BRINP3: variants seen among roughly 807,000 people sequenced by gnomAD.
The protein encoded by BRINP3 is BMP/retinoic acid-inducible neural-specific protein 3.
Under a neutral mutation model 71.0 loss-of-function variants are expected in BRINP3, and 19 were observed. That is an observed-to-expected ratio of 0.27 (90% CI 0.19 to 0.39). The LOEUF is 0.39. Ranked by LOEUF, BRINP3 falls within the 10% of genes least tolerant of loss-of-function variation. BRINP3 has a pLI of 1.00. For synonymous variants in BRINP3, 380 were observed against 337.7 expected (o/e 1.13, Z -1.37); for missense variants, 959 against 940.8 (o/e 1.02, Z -0.25).
intron 2 of BRINP3, among the ~76,000 whole-genome samples, chr1:190,308,590 T>C (rs1255373247): frequency 6.6e-6 from 1 of 151,838 alleles, no homozygotes; most frequent in Non-Finnish European, 1.5e-5. Flanking sequence ...CATGTATACA[T>C]ATGTAACAAA....
At chr1:190,152,614 A>G (rs1289903075) in intron 7 of BRINP3, among the ~76,000 whole-genome samples, 1 of 136,154 alleles carries the variant, frequency 7.3e-6, no homozygotes, top group Non-Finnish European at 1.5e-5. Flanking sequence ...AAGTGCCTCT[A>G]TTGGGTTGAG....
intron 1 of BRINP3, among the ~76,000 whole-genome samples, chr1:190,468,875 A>T (rs1406024392): frequency 6.6e-6 from 1 of 150,756 alleles, no homozygotes; most frequent in African/African-American, 2.4e-5. Flanking sequence ...TTTTTTTTTC[A>T]GGAGACCCTT....
intron 2 of BRINP3, among the ~76,000 whole-genome samples, chr1:190,385,749 A>G (rs1194262942): frequency 6.6e-6 from 1 of 152,094 alleles, no homozygotes; most frequent in East Asian, 1.9e-4. Flanking sequence ...CCAAAGAACT[A>G]TAAATCATGC....
chr1:190,160,929 AATT>A, intron 6 of BRINP3, 39 bp from the exon 7 acceptor site: 1 of 1,461,678 alleles, frequency 6.8e-7, no homozygotes, highest in East Asian at 2.3e-5. Flanking sequence ...ATTATGAAAC[AATT>A]ATTTTTTGTT....
chr1:190,168,580 C>A lies in BRINP3; in HGVS notation c.962-7690G>T, dbSNP rs575156133. On this transcript the variant is annotated intron_variant, in intron 6 of 7. Transcript: ENST00000367462. ...AATTGTAATGGAAGAACATTGACTT[C>A]ATAAGCTATTATGGAGTAAGATCAA... is the stretch of plus-strand genomic sequence containing the variant. 4.9e-4 allele frequency among the ~76,000 whole-genome samples: 74 copies of A among 152,266 alleles called. 1 individual carries two copies. Among genetic ancestry groups the A allele is most frequent in the African/African-American group, 1.7e-3 (72 of 41,568 alleles).
chr1:190,180,107 A>T (rs1652898899), intron 6 of BRINP3, among the ~76,000 whole-genome samples: 1 of 152,088 alleles, frequency 6.6e-6, no homozygotes, highest in East Asian at 1.9e-4. Context: ...CATGCCTTTG[A>T]CCTGGGGACA....
chr1:190,163,444 A>G (rs901694680), intron 6 of BRINP3, among the ~76,000 whole-genome samples: 2 of 152,028 alleles, frequency 1.3e-5, no homozygotes, highest in East Asian at 3.9e-4. Context: ...TCTCTGTGTT[A>G]AGTATGTATC....
intron 2 of BRINP3, among the ~76,000 whole-genome samples, chr1:190,388,112 A>T (rs1023992225): frequency 6.6e-6 from 1 of 151,870 alleles, no homozygotes; most frequent in African/African-American, 2.4e-5. Flanking sequence ...GTAGAGGCTG[A>T]GTAAACATAA....
chr1:190,461,931 T>G (rs865844067), intron 1 of BRINP3, among the ~76,000 whole-genome samples: 2 of 152,182 alleles, frequency 1.3e-5, no homozygotes, highest in African/African-American at 2.4e-5. Flanking sequence ...ATTTTGATTT[T>G]ATTTTATTTT....
intron 2 of BRINP3, among the ~76,000 whole-genome samples, chr1:190,385,978 A>G (rs1007257887): frequency 6.7e-6 from 1 of 148,368 alleles, no homozygotes; most frequent in Non-Finnish European, 1.5e-5. Flanking sequence ...AACTATCGCA[A>G]GAACAAAAAA....
At chr1:190,132,138 G>C (rs887198425) in intron 7 of BRINP3, among the ~76,000 whole-genome samples, 1 of 151,972 alleles carries the variant, frequency 6.6e-6, no homozygotes, top group Non-Finnish European at 1.5e-5. Flanking sequence ...TTTAATTATA[G>C]ATTCCTGAAC....
chr1:190,455,723 A>T (rs1675939963), intron 1 of BRINP3, among the ~76,000 whole-genome samples: 1 of 152,178 alleles, frequency 6.6e-6, no homozygotes, highest in Admixed American at 6.5e-5. Flanking sequence ...CTTATTCATA[A>T]GAAAGTCATA....
intron 5 of BRINP3, among the ~76,000 whole-genome samples, chr1:190,227,125 C>A (rs1241054148): frequency 1.3e-5 from 2 of 151,630 alleles, no homozygotes; most frequent in African/African-American, 2.4e-5. Flanking sequence ...AATATTTAAA[C>A]AAATAAGTAG....
At chr1:190,202,464 A>G (rs1655088760) in intron 6 of BRINP3, among the ~76,000 whole-genome samples, 1 of 152,124 alleles carries the variant, frequency 6.6e-6, no homozygotes, top group African/African-American at 2.4e-5. Flanking sequence ...ATGAGTTGGT[A>G]CTTTACAGGA....
In BRINP3 at chr1:190,372,303, T is replaced by C. The variant is rs367581738; in HGVS notation, c.236+82352A>G. On this transcript the variant is annotated intron_variant, in intron 2 of 7. Transcript: ENST00000367462. ...CCATTTCCATGGGTGGATACCTCACTGATACAGATGCTCCACTAACACAGA... is the reference window on the plus strand; with the variant it reads ...CCATTTCCATGGGTGGATACCTCACCGATACAGATGCTCCACTAACACAGA... Among the ~76,000 whole-genome samples, 5 of 152,312 alleles carry C rather than the reference T, an allele frequency of 3.3e-5. No individual in the cohort carries two copies. In the East Asian group the frequency reaches 7.7e-4, roughly 24 times the overall value.
chr1:190,358,356 TGAACA>T (rs1261935448), intron 2 of BRINP3, among the ~76,000 whole-genome samples: 1 of 152,066 alleles, frequency 6.6e-6, no homozygotes, highest in East Asian at 1.9e-4. Flanking sequence ...GCAAAGGATA[TGAACA>T]GACAATTCTC....
Position 190,244,645 on chromosome 1 carries a change from C to G in BRINP3, c.619-10168G>C, listed in dbSNP as rs145073085. 1.4e-4 allele frequency among the ~76,000 whole-genome samples: 22 copies of G among 152,170 alleles called. 1 individual carries two copies. Among genetic ancestry groups the G allele is most frequent in the African/African-American group, 3.6e-4 (15 of 41,552 alleles). On this transcript the variant is annotated intron_variant, in intron 4 of 7. Coordinates refer to ENST00000367462, the MANE Select transcript of BRINP3 (RefSeq NM_199051.3). ...AAAGCAATCTGTCACTGTCAAAATC[C>G]CGACGAACAGTCTTTCCATAAGATT...
intron 7 of BRINP3, among the ~76,000 whole-genome samples, chr1:190,142,385 T>C (rs998096786): frequency 6.6e-6 from 1 of 152,158 alleles, no homozygotes; most frequent in South Asian, 2.1e-4. Context: ...AGTCAGAAAG[T>C]GGAAAACTGC....
intron 2 of BRINP3, among the ~76,000 whole-genome samples, chr1:190,355,488 C>T (rs1668669548): frequency 6.6e-6 from 1 of 151,872 alleles, no homozygotes; most frequent in Admixed American, 6.6e-5. Context: ...ACAGCTAAAA[C>T]TAAGCATGAT....
Sources: gnomAD v4.1 joint callset for allele counts (sites outside exome capture counted in the v4.1 genomes callset) on GRCh38, gnomAD v4.1.1 for gene constraint, MANE v1.5 for transcripts, NCBI Gene and HGNC (gene_info 2026-07-23, HGNC 2026-07-21) for gene names.